The following HKDC1 variants were observed in gnomAD, a reference collection of about 807,000 sequenced individuals.
HKDC1 encodes the protein hexokinase domain containing 1.
HKDC1 carries 66 observed loss-of-function variants against 96.6 expected under a neutral mutation model. That is an observed-to-expected ratio of 0.68 (90% CI 0.56 to 0.84). The LOEUF is 0.84. Among genes scored for constraint, HKDC1 ranks in the 40% least tolerant of loss-of-function variants. The probability of loss-of-function intolerance (pLI) is 0.00; values close to 1 mark genes in which losing one functional copy is unlikely to be tolerated. For missense variants in HKDC1, 1,211 were observed against 1,208.1 expected (o/e 1.00, Z -0.04); for synonymous variants, 466 against 473.1 (o/e 0.98, Z 0.20).
At chr10:69,247,709 GTTC>G in intron 9 of HKDC1, 116 bp downstream of exon 9, 1 of 763,590 alleles carries the variant, frequency 1.3e-6, no homozygotes, top group Non-Finnish European at 2.1e-6. Flanking sequence ...CCTCTTGTTG[GTTC>G]TGAGATTACA....
intron 16 of HKDC1, among the ~76,000 whole-genome samples, chr10:69,261,850 T>C (rs1406616801): frequency 6.6e-6 from 1 of 152,218 alleles, no homozygotes; most frequent in Non-Finnish European, 1.5e-5. Context: ...CCTTGCAATG[T>C]ATTTGTTGAA....
At chr10:69,230,675 G>T (rs187910581) in intron 2 of HKDC1, among the ~76,000 whole-genome samples, 29 of 152,298 alleles carry the variant, frequency 1.9e-4, no homozygotes, top group African/African-American at 7.0e-4. Flanking sequence ...GTGCAATGGA[G>T]CCATCATAGA....
intron 12 of HKDC1, 62 bp from the exon 13 acceptor site, chr10:69,256,974 T>G: frequency 1.8e-4 from 225 of 1,228,986 alleles, no homozygotes; most frequent in Non-Finnish European, 2.5e-4. Context: ...TGTTGGATGT[T>G]GAGGTTGTGC....
chr10:69,261,396 C>A, intron 16 of HKDC1, 102 bp downstream of exon 16: 2 of 1,141,994 alleles, frequency 1.8e-6, no homozygotes, highest in Non-Finnish European at 1.3e-6. Context: ...CAGAAAGGCC[C>A]TGGCTGGGTA....
At chr10:69,263,129 A>G (rs1336549011) in intron 16 of HKDC1, among the ~76,000 whole-genome samples, 1 of 151,984 alleles carries the variant, frequency 6.6e-6, no homozygotes, top group Non-Finnish European at 1.5e-5. Flanking sequence ...CTGTGTTGCA[A>G]TCACAGCTCA....
intron 1 of HKDC1, among the ~76,000 whole-genome samples, chr10:69,221,796 G>A (rs1202035381): frequency 6.6e-6 from 1 of 152,098 alleles, no homozygotes; most frequent in African/African-American, 2.4e-5. Flanking sequence ...AGCCGGTCAT[G>A]GTGGTGTGTG....
At chr10:69,246,051 G>C (rs41279650) in intron 7 of HKDC1, 28 bp from the exon 8 acceptor site, 1 of 1,608,520 alleles carries the variant, frequency 6.2e-7, no homozygotes, top group Admixed American at 1.7e-5. Context: ...AAGGGGCTGC[G>C]TCCACAGATC....
chr10:69,235,344 C>T (rs747078979), intron 4 of HKDC1, among the ~76,000 whole-genome samples: 1 of 150,230 alleles, frequency 6.7e-6, no homozygotes, highest in Non-Finnish European at 1.5e-5. Context: ...ATCACTTGAA[C>T]CCACAAGGTG....
intron 9 of HKDC1, among the ~76,000 whole-genome samples, chr10:69,248,085 G>A (rs1224408639): frequency 6.6e-6 from 1 of 152,186 alleles, no homozygotes; most frequent in South Asian, 2.1e-4. Context: ...TGGCTACCGG[G>A]GTGGACTTGG....
At chr10:69,247,742 G>A in intron 9 of HKDC1, 149 bp downstream of exon 9, 1 of 661,496 alleles carries the variant, frequency 1.5e-6, no homozygotes, top group Non-Finnish European at 2.6e-6. Context: ...GTGAATCCAG[G>A]GCCTGCATTC....
intron 1 of HKDC1, among the ~76,000 whole-genome samples, chr10:69,222,120 G>A (rs1307759784): frequency 6.6e-5 from 10 of 152,180 alleles, no homozygotes; most frequent in African/African-American, 1.7e-4. Flanking sequence ...TACTCAGAAG[G>A]CTGAGGCAGG....
intron 1 of HKDC1, among the ~76,000 whole-genome samples, chr10:69,226,148 C>T (rs1843152461): frequency 6.6e-6 from 1 of 152,136 alleles, no homozygotes; most frequent in Non-Finnish European, 1.5e-5. Context: ...AGGGAGGAAG[C>T]TTTGCTGCCG....
In HKDC1 at chr10:69,248,634, G is replaced by C; in HGVS notation, c.1476G>C (p.Arg492=). 1 of 1,614,202 alleles carries C rather than the reference G, an allele frequency of 6.2e-7. No homozygotes were observed. The highest frequency in any genetic ancestry group is 8.5e-7 in the Non-Finnish European group (1 of 1,180,042). The change falls in exon 10 of 18, where the codon CGG becomes CGC. Residue 492 remains arginine (R), a synonymous_variant. Transcript: ENST00000354624. ...EQLVDVQAKM[R]AELEYGLKKK... ...TCGTGGACGTGCAGGCCAAGATGCGGGCTGAGCTGGAGTATGGGCTGAAGA... is the reference window on the plus strand; with the variant it reads ...TCGTGGACGTGCAGGCCAAGATGCGCGCTGAGCTGGAGTATGGGCTGAAGA...
intron 10 of HKDC1, 152 bp from the exon 11 acceptor site, chr10:69,250,138 G>A: frequency 1.3e-6 from 1 of 768,564 alleles, no homozygotes; most frequent in Non-Finnish European, 2.1e-6. Context: ...CCGGGGCCCG[G>A]GCACTGTGCA....
intron 12 of HKDC1, among the ~76,000 whole-genome samples, chr10:69,251,905 G>A (rs750383954): frequency 1.1e-4 from 16 of 151,794 alleles, no homozygotes; most frequent in South Asian, 6.2e-4. Context: ...GATTACAGGT[G>A]TGTGCCACCA....
chr10:69,227,131 G>A, intron 1 of HKDC1, 76 bp from the exon 2 acceptor site: 2 of 1,511,832 alleles, frequency 1.3e-6, no homozygotes, highest in Non-Finnish European at 1.8e-6. Flanking sequence ...CTTGCTGAGG[G>A]ATGTCGGGGG....
chr10:69,256,224 A>G (rs939797185), intron 12 of HKDC1, among the ~76,000 whole-genome samples: 3 of 152,248 alleles, frequency 2.0e-5, no homozygotes, highest in Non-Finnish European at 4.4e-5. Context: ...CCTTTCTCTC[A>G]CATCAAATGT....
intron 16 of HKDC1, among the ~76,000 whole-genome samples, chr10:69,265,174 A>C (rs1410083368): frequency 6.6e-6 from 1 of 152,076 alleles, no homozygotes; most frequent in Non-Finnish European, 1.5e-5. Flanking sequence ...AGCTGGCACG[A>C]TTTGTGGGAA....
At chr10:69,242,696 TG>T (rs917295338) in intron 6 of HKDC1, among the ~76,000 whole-genome samples, 3 of 152,180 alleles carry the variant, frequency 2.0e-5, no homozygotes, top group African/African-American at 7.2e-5. Flanking sequence ...CTTTCTTAGG[TG>T]GTAGCTAATC....
Sources: allele counts gnomAD v4.1 joint callset (sites outside exome capture counted in the v4.1 genomes callset), GRCh38; gene constraint gnomAD v4.1.1; transcripts MANE v1.5; gene names NCBI Gene and HGNC (gene_info 2026-07-23, HGNC 2026-07-21).